DRAM2: variants seen among roughly 807,000 people sequenced by gnomAD.
DRAM2 encodes the protein DNA damage-regulated autophagy modulator protein 2.
In DRAM2, 26 loss-of-function variants were observed where a neutral mutation model predicts 33.5. That is an observed-to-expected ratio of 0.78 (90% confidence interval 0.57 to 1.08). The LOEUF (loss-of-function observed/expected upper bound fraction) is 1.08. DRAM2 is among the 50% of genes least tolerant of loss of function. The pLI, the probability that DRAM2 is intolerant of heterozygous loss-of-function variation, is 0.00. For missense variants in DRAM2, 311 were observed against 318.1 expected, an observed-to-expected ratio of 0.98 and a Z score of 0.17; for synonymous variants, 98 against 109.5, an observed-to-expected ratio of 0.89 and a Z score of 0.66.
At chr1:111,139,340 A>C (rs1191643924) in intron 2 of DRAM2, among the ~76,000 whole-genome samples, 161 bp downstream of exon 2, 1 of 152,210 alleles carries the variant, frequency 6.6e-6, no homozygotes, top group Non-Finnish European at 1.5e-5. Flanking sequence ...GATACCCAGG[A>C]CCAGCAATTT....
chr1:111,135,236 G>T (rs188952400), intron 3 of DRAM2, among the ~76,000 whole-genome samples: 40 of 152,284 alleles, frequency 2.6e-4, no homozygotes, highest in African/African-American at 7.9e-4. Context: ...CTGAAACACA[G>T]GTACCATTTA....
intron 7 of DRAM2, 103 bp downstream of exon 7, chr1:111,120,413 A>T: frequency 1.0e-5 from 4 of 388,816 alleles, no homozygotes; most frequent in Non-Finnish European, 1.1e-5. Flanking sequence ...AAAAAAAAAA[A>T]AAAAAAGACA....
chr1:111,118,576 T>G lies in DRAM2; in HGVS notation c.693+229A>C, dbSNP rs531994503. The G allele has an allele frequency of 3.5e-4, 166 of 469,986 alleles. 2 individuals are homozygous for G. The South Asian group carries it at 7.4e-3, about 21-fold the overall frequency. The allele number at this position is 469,986 out of a possible 1,614,324, so 29.1% of individuals were successfully genotyped here. ...AATTCTATGTAAGAATTTCTGAAATTTATTTTATAGCCCCATTTTCAAGGC... is the reference window on the plus strand; with the variant it reads ...AATTCTATGTAAGAATTTCTGAAATGTATTTTATAGCCCCATTTTCAAGGC... On this transcript the variant is annotated intron_variant, in intron 9 of 9. Coordinates refer to ENST00000484310, the MANE Select transcript of DRAM2 (RefSeq NM_001349884.2).
chr1:111,120,961 AAT>A (rs563006286), intron 6 of DRAM2, among the ~76,000 whole-genome samples: 24 of 152,134 alleles, frequency 1.6e-4, no homozygotes, highest in Non-Finnish European at 2.8e-4. Context: ...TTCATTTAAT[AAT>A]ATGTTTACTT....
intron 3 of DRAM2, among the ~76,000 whole-genome samples, chr1:111,134,151 T>G (rs1380931897): frequency 2.6e-5 from 4 of 152,190 alleles, no homozygotes; most frequent in Non-Finnish European, 4.4e-5. Context: ...TGTTGTTAAG[T>G]AATAATGAGT....
At chr1:111,129,529 T>C (rs965494489) in intron 4 of DRAM2, among the ~76,000 whole-genome samples, 4 of 152,228 alleles carry the variant, frequency 2.6e-5, no homozygotes, top group African/African-American at 9.6e-5. Flanking sequence ...AAACCATTCA[T>C]ATAATTATGA....
chr1:111,118,361 TG>T, intron 9 of DRAM2, 94 bp from the exon 10 acceptor site: 4 of 790,248 alleles, frequency 5.1e-6, no homozygotes, highest in Non-Finnish European at 8.1e-6. Context: ...TGATTATGAA[TG>T]TAAATCAATT....
chr1:111,126,149 G>T, intron 5 of DRAM2, 78 bp downstream of exon 5: 1 of 872,652 alleles, frequency 1.1e-6, no homozygotes, highest in Non-Finnish European at 2.0e-6. Context: ...AGTAAAACAA[G>T]TAACACTCCA....
At chr1:111,129,530 A>G (rs535761883) in intron 4 of DRAM2, among the ~76,000 whole-genome samples, 64 of 152,350 alleles carry the variant, frequency 4.2e-4, no homozygotes, top group African/African-American at 1.5e-3. Context: ...AACCATTCAT[A>G]TAATTATGAT....
chr1:111,130,784 CAGG>C (rs907964956), intron 4 of DRAM2, among the ~76,000 whole-genome samples: 5 of 150,378 alleles, frequency 3.3e-5, no homozygotes, highest in African/African-American at 1.2e-4. Context: ...ATCACAAAGT[CAGG>C]AGTTCAAGAG....
chr1:111,128,134 C>CTTTTTTTTTT (rs35509678), intron 4 of DRAM2: 2 of 102,322 alleles, frequency 2.0e-5, no homozygotes, highest in Admixed American at 1.0e-4. Context: ...TTCTTCGTTT[C>CTTTTTTTTTT]TTTTTTTTTT....
At chr1:111,121,694 A>T (rs1480728972) in intron 6 of DRAM2, among the ~76,000 whole-genome samples, 1 of 152,098 alleles carries the variant, frequency 6.6e-6, no homozygotes, top group Admixed American at 6.6e-5. Flanking sequence ...ATTATTAGGC[A>T]TCTCTTTAAA....
intron 4 of DRAM2, among the ~76,000 whole-genome samples, chr1:111,128,930 G>T (rs1571045565): frequency 6.6e-6 from 1 of 152,288 alleles, no homozygotes; most frequent in East Asian, 1.9e-4. Flanking sequence ...CTAAAGAATG[G>T]TGTGGCTCCT....
intron 3 of DRAM2, among the ~76,000 whole-genome samples, chr1:111,137,192 T>C (rs985468366): frequency 4.2e-5 from 6 of 142,318 alleles, no homozygotes; most frequent in Non-Finnish European, 7.5e-5. Flanking sequence ...GGGCGGAGCC[T>C]GCAGTGAGCC....
chr1:111,136,697 G>A (rs932638123), intron 3 of DRAM2, among the ~76,000 whole-genome samples: 52 of 152,050 alleles, frequency 3.4e-4, no homozygotes, highest in African/African-American at 1.1e-3. Flanking sequence ...TTAAAATCTC[G>A]ATAGATTAAA....
chr1:111,133,117 C>A (rs916998158), intron 3 of DRAM2, among the ~76,000 whole-genome samples: 1 of 152,004 alleles, frequency 6.6e-6, no homozygotes, highest in Non-Finnish European at 1.5e-5. Flanking sequence ...TCCCCTATAC[C>A]CTTAGTCTTT....
chr1:111,134,950 G>A (rs1407611189), intron 3 of DRAM2, among the ~76,000 whole-genome samples: 1 of 152,132 alleles, frequency 6.6e-6, no homozygotes, highest in Non-Finnish European at 1.5e-5. Flanking sequence ...ATGTAGATAT[G>A]TAAATTTGAA....
At chr1:111,135,945 T>C (rs1653057331) in intron 3 of DRAM2, among the ~76,000 whole-genome samples, 2 of 152,182 alleles carry the variant, frequency 1.3e-5, no homozygotes, top group African/African-American at 4.8e-5. Context: ...AACATTACCA[T>C]TTTTTTCAGG....
chr1:111,131,231 C>G (rs1352527877), intron 4 of DRAM2, among the ~76,000 whole-genome samples, 193 bp downstream of exon 4: 3 of 152,156 alleles, frequency 2.0e-5, no homozygotes, highest in Non-Finnish European at 4.4e-5. Context: ...CAAACTGAAT[C>G]TTATTGGGCT....
Sources: allele counts gnomAD v4.1 joint callset (sites outside exome capture counted in the v4.1 genomes callset), GRCh38; gene constraint gnomAD v4.1.1; transcripts MANE v1.5; gene names NCBI Gene and HGNC (gene_info 2026-07-23, HGNC 2026-07-21).